DENND4A: variants seen among roughly 807,000 people sequenced by gnomAD.
The protein encoded by DENND4A is DENN domain containing 4A, also known as C-myc promoter-binding protein.
A neutral mutation model predicts 199.3 loss-of-function variants in DENND4A; 70 were observed. That is an observed-to-expected ratio of 0.35 (90% confidence interval 0.29 to 0.43). The LOEUF (loss-of-function observed/expected upper bound fraction) is 0.43, where lower values mean the gene tolerates loss of function less well. Ranked by LOEUF, DENND4A falls within the 20% of genes least tolerant of loss-of-function variation. DENND4A has a pLI of 1.00. For missense variants in DENND4A, 1,723 were observed against 2,255.8 expected, an observed-to-expected ratio of 0.76 and a Z score of 4.78; for synonymous variants, 686 against 766.9, an observed-to-expected ratio of 0.89 and a Z score of 1.74.
rs147959510 is a variant in DENND4A, at chr15:65,759,884, T to C, written c.-23+1476A>G. On this transcript the variant is annotated intron_variant, in intron 2 of 32. Transcript: ENST00000443035. The stretch of plus-strand genomic sequence containing the variant: ...ATTTTATTTTATGGATATACCATTT[T>C]TGACCTATGTGCTTACTGTAGATCA... Among the ~76,000 whole-genome samples, 19 of 152,374 alleles carry C rather than the reference T, an allele frequency of 1.2e-4. No individual in the cohort carries two copies. The East Asian group carries it at 3.5e-3, about 28-fold the overall frequency.
chr15:65,783,767 G>A (rs2077495498), intron 1 of DENND4A, among the ~76,000 whole-genome samples: 1 of 152,036 alleles, frequency 6.6e-6, no homozygotes. Flanking sequence ...ATGACCCCAA[G>A]TATAAAATAA....
intron 15 of DENND4A, 62 bp from the exon 16 acceptor site, chr15:65,703,070 G>C: frequency 1.4e-6 from 2 of 1,460,454 alleles, no homozygotes; most frequent in East Asian, 2.3e-5. Flanking sequence ...GATGATCATA[G>C]TGGTTACAGG....
intron 14 of DENND4A, among the ~76,000 whole-genome samples, chr15:65,708,458 C>A (rs2075133070): frequency 6.6e-6 from 1 of 152,078 alleles, no homozygotes; most frequent in Non-Finnish European, 1.5e-5. Context: ...AAAGTCTATA[C>A]AAATATTAAA....
At chr15:65,764,457 C>T (rs545621412) in intron 1 of DENND4A, among the ~76,000 whole-genome samples, 5 of 152,042 alleles carry the variant, frequency 3.3e-5, no homozygotes, top group South Asian at 2.1e-4. Context: ...AGGGCGAAAC[C>T]CCATCTCTAC....
chr15:65,778,003 A>C (rs1398908784), intron 1 of DENND4A, among the ~76,000 whole-genome samples: 3 of 152,168 alleles, frequency 2.0e-5, no homozygotes, highest in African/African-American at 7.2e-5. Flanking sequence ...AATGCACTCC[A>C]GCCTGGGCGA....
At chr15:65,663,854 G>A (rs2075954549) in intron 32 of DENND4A, among the ~76,000 whole-genome samples, 1 of 150,060 alleles carries the variant, frequency 6.7e-6, no homozygotes, top group African/African-American at 2.5e-5. Context: ...GTTTCACCAT[G>A]TTGCCCAGGC....
At chr15:65,736,142 T>C (rs573520072) in intron 7 of DENND4A, among the ~76,000 whole-genome samples, 38 of 152,338 alleles carry the variant, frequency 2.5e-4, no homozygotes, top group Admixed American at 9.8e-4. Context: ...TGTCTACATT[T>C]GGAAGATGGG....
intron 14 of DENND4A, among the ~76,000 whole-genome samples, chr15:65,706,847 GT>G (rs2075080097): frequency 6.6e-6 from 1 of 152,158 alleles, no homozygotes; most frequent in Non-Finnish European, 1.5e-5. Flanking sequence ...ACTAAGAAAA[GT>G]ACCTATATGA....
chr15:65,779,630 A>G (rs2077383840), intron 1 of DENND4A, among the ~76,000 whole-genome samples: 1 of 151,856 alleles, frequency 6.6e-6, no homozygotes, highest in Non-Finnish European at 1.5e-5. Context: ...GAACACTACC[A>G]TGCCTGGCTA....
chr15:65,675,209 C>T (rs1409907569), intron 24 of DENND4A, among the ~76,000 whole-genome samples: 2 of 151,762 alleles, frequency 1.3e-5, no homozygotes, highest in Non-Finnish European at 2.9e-5. Flanking sequence ...AAGAAACAAA[C>T]AAAAAAGAAT....
chr15:65,763,632 C>A (rs2076907855), intron 1 of DENND4A, among the ~76,000 whole-genome samples: 1 of 138,094 alleles, frequency 7.2e-6, no homozygotes, highest in Admixed American at 7.7e-5. Flanking sequence ...GCCTTGTTCA[C>A]ACCACTGCAC....
intron 23 of DENND4A, among the ~76,000 whole-genome samples, chr15:65,682,901 C>T (rs1475558777): frequency 3.3e-5 from 5 of 152,132 alleles, no homozygotes; most frequent in Non-Finnish European, 7.4e-5. Context: ...TCAGAAATTA[C>T]ACAACATTTA....
intron 15 of DENND4A, 132 bp from the exon 16 acceptor site, chr15:65,703,140 G>C: frequency 1.3e-6 from 1 of 795,358 alleles, no homozygotes; most frequent in Non-Finnish European, 1.9e-6. Flanking sequence ...TCTTTGTCAG[G>C]CTGTGATATA....
In DENND4A at chr15:65,690,864, C is replaced by A; in HGVS notation, c.3730G>T (p.Ala1244Ser). 6.2e-7 allele frequency: 1 copy of A among 1,612,080 alleles called. No homozygotes were observed. The highest frequency in any genetic ancestry group is 1.3e-5 in the African/African-American group (1 of 75,044). Residue 1244 changes from alanine (A) to serine (S), a missense_variant, in exon 23 of 33, where the codon GCT becomes TCT. Ala to Ser is a moderately conservative substitution (Grantham distance 99, BLOSUM62 1). This residue lies in a region of DENND4A where 650 missense variants were observed against 738.1 expected (regional missense o/e 0.88). Coordinates refer to ENST00000443035, the MANE Select transcript of DENND4A (RefSeq NM_001320835.1). Reference sequence around the variant, plus strand: ...ATTTCTTCAGCTAAATCACGCCTAGCAGATGGTGTTGAAATGCTTTTGCTA... The same window carrying A: ...ATTTCTTCAGCTAAATCACGCCTAGAAGATGGTGTTGAAATGCTTTTGCTA... ...DDSKSISTPS[A>S]RRDLAEEIVM...
At chr15:65,666,241 CTAA>C (rs1269782131) in intron 29 of DENND4A, among the ~76,000 whole-genome samples, 1 of 152,110 alleles carries the variant, frequency 6.6e-6, no homozygotes. Context: ...TTAACAATAA[CTAA>C]TAATAAAATA....
chr15:65,748,510 T>C (rs1439864125), intron 4 of DENND4A, among the ~76,000 whole-genome samples: 1 of 151,220 alleles, frequency 6.6e-6, no homozygotes, highest in Admixed American at 6.6e-5. Context: ...TCTCAGTTAT[T>C]TGGGAGGCTG....
chr15:65,768,389 G>A (rs935531087), intron 1 of DENND4A, among the ~76,000 whole-genome samples: 4 of 151,938 alleles, frequency 2.6e-5, no homozygotes, highest in African/African-American at 4.8e-5. Flanking sequence ...ACAACTCCAG[G>A]AATTATCACA....
At chr15:65,753,339 A>G (rs561667752) in intron 3 of DENND4A, among the ~76,000 whole-genome samples, 1 of 152,306 alleles carries the variant, frequency 6.6e-6, no homozygotes, top group Admixed American at 6.5e-5. Context: ...TAAAAAAATA[A>G]AAATAAAATA....
intron 12 of DENND4A, among the ~76,000 whole-genome samples, chr15:65,721,019 C>T (rs890217706): frequency 1.6e-5 from 2 of 124,590 alleles, no homozygotes. Context: ...CAGCATGTTG[C>T]CCAGGATGGT....
Sources: gnomAD v4.1 joint callset for allele counts (sites outside exome capture counted in the v4.1 genomes callset) on GRCh38, gnomAD v4.1.1 for gene constraint, gnomAD v4.1.1 regional missense constraint, MANE v1.5 for transcripts, NCBI Gene and HGNC (gene_info 2026-07-23, HGNC 2026-07-21) for gene names.